Variants in ROBO2 observed in about 807,000 individuals in gnomAD.
The protein encoded by ROBO2 is roundabout guidance receptor 2, also known as roundabout homolog 2.
In ROBO2, 53 loss-of-function variants were observed where a neutral mutation model predicts 160.8. That is an observed-to-expected ratio of 0.33 (90% CI 0.26 to 0.41). ROBO2 has a LOEUF of 0.41. Ranked by LOEUF, ROBO2 falls within the 10% of genes least tolerant of loss-of-function variation. ROBO2 has a pLI of 1.00. For synonymous variants in ROBO2, 664 were observed against 611.7 expected, an observed-to-expected ratio of 1.09 and a Z score of -1.26; for missense variants, 1,577 against 1,722.4, an observed-to-expected ratio of 0.92 and a Z score of 1.49.
At chr3:77,513,792 C>T (rs1467172746) in intron 5 of ROBO2, among the ~76,000 whole-genome samples, 1 of 151,712 alleles carries the variant, frequency 6.6e-6, no homozygotes, top group East Asian at 1.9e-4. Flanking sequence ...CAATCAATCT[C>T]AATTCACGGT....
rs184797069 is a variant in ROBO2, at chr3:76,451,568, G to A, written c.109+513966G>A. ...AGCAATGGCTGTCTCTCTTCTGTCAGCTGCTCCAGGTGAATGGGGGACAAT... is the reference window on the plus strand; with the variant it reads ...AGCAATGGCTGTCTCTCTTCTGTCAACTGCTCCAGGTGAATGGGGGACAAT... On this transcript the variant is annotated intron_variant, in intron 2 of 26. Coordinates refer to the ROBO2 transcript ENST00000487694. Among the ~76,000 whole-genome samples the A allele has an allele frequency of 5.3e-5, 8 of 152,238 alleles. No individual in the cohort carries two copies. In the East Asian group the frequency reaches 1.5e-3, roughly 29 times the overall value.
intron 2 of ROBO2, among the ~76,000 whole-genome samples, chr3:76,017,722 G>T (rs1432675737): frequency 6.6e-6 from 1 of 151,922 alleles, no homozygotes; most frequent in African/African-American, 2.4e-5. Context: ...AATCTAATTA[G>T]AAATAAAAGT....
chr3:76,214,328 T>G (rs143554305), intron 2 of ROBO2, among the ~76,000 whole-genome samples: 156 of 152,284 alleles, frequency 1.0e-3, no homozygotes, highest in African/African-American at 3.6e-3. Flanking sequence ...CCTCAGTGGG[T>G]GCAGTACACC....
At chr3:77,151,162 T>C (rs891527506) in intron 2 of ROBO2, among the ~76,000 whole-genome samples, 4 of 152,160 alleles carry the variant, frequency 2.6e-5, no homozygotes, top group African/African-American at 9.6e-5. Context: ...GTCTCAACAT[T>C]AAATACAATT....
intron 2 of ROBO2, among the ~76,000 whole-genome samples, chr3:76,383,965 C>T (rs147103042): frequency 2.6e-5 from 4 of 152,258 alleles, no homozygotes; most frequent in East Asian, 3.9e-4. Context: ...GTGTCTGCAG[C>T]GGAACTGGCA....
chr3:77,136,004 TG>T (rs957434648), intron 2 of ROBO2, among the ~76,000 whole-genome samples: 1 of 152,220 alleles, frequency 6.6e-6, no homozygotes, highest in African/African-American at 2.4e-5. Flanking sequence ...GATTATTGAC[TG>T]GGTATCTGAA....
intron 2 of ROBO2, among the ~76,000 whole-genome samples, chr3:76,772,896 A>C (rs2062000865): frequency 6.6e-6 from 1 of 151,176 alleles, no homozygotes; most frequent in African/African-American, 2.4e-5. Flanking sequence ...AATGAGAGTG[A>C]AATTTTTCTG....
At chr3:76,334,724 C>G (rs1352185583) in intron 2 of ROBO2, among the ~76,000 whole-genome samples, 1 of 152,132 alleles carries the variant, frequency 6.6e-6, no homozygotes, top group Non-Finnish European at 1.5e-5. Context: ...ACTATAGGAT[C>G]ATTGAACTAA....
intron 2 of ROBO2, among the ~76,000 whole-genome samples, chr3:76,470,061 T>C (rs1449014383): frequency 1.3e-5 from 2 of 152,202 alleles, no homozygotes; most frequent in Admixed American, 6.6e-5. Context: ...TCAGGTCCTG[T>C]AGATTGTATG....
intron 2 of ROBO2, among the ~76,000 whole-genome samples, chr3:76,314,438 GATA>G (rs1418427151): frequency 6.6e-6 from 1 of 151,678 alleles, no homozygotes; most frequent in East Asian, 1.9e-4. Context: ...TATATAAATA[GATA>G]ATATCATATT....
chr3:76,855,041 C>G (rs962309052), intron 2 of ROBO2, among the ~76,000 whole-genome samples: 1 of 152,144 alleles, frequency 6.6e-6, no homozygotes, highest in Non-Finnish European at 1.5e-5. Flanking sequence ...AGCATTCCAA[C>G]CCTGGTAGTA....
At chr3:76,033,427 C>T (rs916738519) in intron 2 of ROBO2, among the ~76,000 whole-genome samples, 4 of 152,124 alleles carry the variant, frequency 2.6e-5, no homozygotes, top group Non-Finnish European at 4.4e-5. Context: ...GTGTGTCCTG[C>T]TGTGCATATA....
chr3:76,017,521 AT>A (rs1392125244), intron 2 of ROBO2, among the ~76,000 whole-genome samples: 3 of 152,158 alleles, frequency 2.0e-5, no homozygotes, highest in African/African-American at 7.2e-5. Flanking sequence ...CAACATAGAA[AT>A]AAACTTTGAA....
At chr3:77,009,651 A>G (rs2061761951) in intron 2 of ROBO2, among the ~76,000 whole-genome samples, 1 of 152,174 alleles carries the variant, frequency 6.6e-6, no homozygotes, top group Non-Finnish European at 1.5e-5. Context: ...TTTGTACTGA[A>G]AAATATACTA....
intron 1 of ROBO2, among the ~76,000 whole-genome samples, chr3:75,924,060 A>G (rs1947182202): frequency 1.3e-5 from 2 of 152,226 alleles, no homozygotes; most frequent in African/African-American, 2.4e-5. Flanking sequence ...ATAAATCATT[A>G]TAATTTATTA....
At chr3:76,278,043 A>G (rs192288569) in intron 2 of ROBO2, among the ~76,000 whole-genome samples, 1 of 151,892 alleles carries the variant, frequency 6.6e-6, no homozygotes, top group East Asian at 1.9e-4. Flanking sequence ...GCTCACCTTA[A>G]TTGTCATTAA....
chr3:76,271,907 T>C (rs980587248), intron 2 of ROBO2, among the ~76,000 whole-genome samples: 1 of 152,142 alleles, frequency 6.6e-6, no homozygotes, highest in Non-Finnish European at 1.5e-5. Context: ...GAGACAACTC[T>C]GTGTACAAAA....
intron 23 of ROBO2, chr3:77,631,906 T>A: frequency 6.6e-6 from 1 of 152,270 alleles, no homozygotes; most frequent in East Asian, 1.9e-4. Flanking sequence ...TTTTTTCTTA[T>A]GTTCTAAGTT....
chr3:77,436,863 T>C (rs1183424298), intron 2 of ROBO2, among the ~76,000 whole-genome samples: 2 of 151,962 alleles, frequency 1.3e-5, no homozygotes, highest in Admixed American at 1.3e-4. Context: ...GAAATATCTG[T>C]CAACCCAAAA....
Sources: allele counts gnomAD v4.1 joint callset (sites outside exome capture counted in the v4.1 genomes callset), GRCh38; gene constraint gnomAD v4.1.1; transcripts MANE v1.5; gene names NCBI Gene and HGNC (gene_info 2026-07-23, HGNC 2026-07-21).